The following WNT3A variants were observed in gnomAD, a reference collection of about 807,000 sequenced individuals.
WNT3A encodes the protein Wnt family member 3A.
Under a neutral mutation model 37.0 loss-of-function variants are expected in WNT3A, and 17 were observed. The observed-to-expected ratio is 0.46, with a 90% CI of 0.31 to 0.69. WNT3A has a LOEUF of 0.69. Among genes scored for constraint, WNT3A ranks in the 30% least tolerant of loss-of-function variants. WNT3A has a pLI of 0.05. For synonymous variants in WNT3A, 187 were observed against 211.0 expected, an observed-to-expected ratio of 0.89 and a Z score of 0.99; for missense variants, 411 against 510.2, an observed-to-expected ratio of 0.81 and a Z score of 1.87.
At chr1:228,043,413 C>T (rs1482410161) in intron 2 of WNT3A, among the ~76,000 whole-genome samples, 1 of 152,150 alleles carries the variant, frequency 6.6e-6, no homozygotes, top group Non-Finnish European at 1.5e-5. Context: ...TAGCCTGTGT[C>T]CCATTCCAGT....
Position 228,024,163 on chromosome 1 carries a change from G to A in WNT3A, c.313+1255G>A, listed in dbSNP as rs115945593. Reference sequence around the variant, plus strand: ...CCTTTTGGTTTCTGTATCTAGGAGTGGAATTGCTGGGTCACAGGGTAATTC... The same window carrying A: ...CCTTTTGGTTTCTGTATCTAGGAGTAGAATTGCTGGGTCACAGGGTAATTC... On this transcript the variant is annotated intron_variant, in intron 2 of 3. Transcript: ENST00000284523. 2.9e-3 allele frequency among the ~76,000 whole-genome samples: 436 copies of A among 152,338 alleles called. 6 individuals are homozygous for A. The highest frequency in any genetic ancestry group is 0.01 in the African/African-American group (427 of 41,576).
In WNT3A at chr1:228,046,218, C is replaced by T. The variant is rs551180928; in HGVS notation, c.314-4438C>T. On this transcript the variant is annotated intron_variant, in intron 2 of 3. Coordinates refer to ENST00000284523, the MANE Select transcript of WNT3A (RefSeq NM_033131.4). ...CTGGCATGGCCAAACTGGCATTGGG[C>T]GAAGACCTCAGCCTGCAGATAGTGT... 1.1e-4 allele frequency among the ~76,000 whole-genome samples: 16 copies of T among 152,344 alleles called. 1 individual carries two copies. In the South Asian group the frequency reaches 2.3e-3, roughly 22 times the overall value.
At chr1:228,046,312 GGT>G (rs10578421) in intron 2 of WNT3A, among the ~76,000 whole-genome samples, 14,163 of 151,222 alleles carry the variant, frequency 0.094, 692 homozygotes, top group South Asian at 0.11. Flanking sequence ...CATGTGGAGG[GGT>G]GTGTGTGTGT....
At chr1:228,041,835 TCTC>T (rs1020529980) in intron 2 of WNT3A, among the ~76,000 whole-genome samples, 66 of 152,202 alleles carry the variant, frequency 4.3e-4, no homozygotes, top group Admixed American at 6.5e-4. Flanking sequence ...CCTGGTTCAT[TCTC>T]CTTACCAAGG....
intron 2 of WNT3A, among the ~76,000 whole-genome samples, chr1:228,030,181 G>A (rs1281047738): frequency 1.3e-5 from 2 of 151,942 alleles, no homozygotes; most frequent in African/African-American, 4.8e-5. Flanking sequence ...GATCACTTGA[G>A]GTCAGGAGTT....
In WNT3A at chr1:228,008,277, C is replaced by A. The variant is rs2030263879; in HGVS notation, c.71+1078C>A. ...AGCCTCCCCACAAGCATGCACACTC[C>A]CCCCCATCCTTCTCCGACGGCAGCC... On this transcript the variant is annotated intron_variant, in intron 1 of 3. Transcript: ENST00000284523. This position sits in a 1 kb window ranked among gnomAD's most constrained non-coding sequence, Gnocchi z 4.9. Among the ~76,000 whole-genome samples, 1 of 152,192 alleles carries A rather than the reference C, an allele frequency of 6.6e-6. No homozygotes were observed. The highest frequency in any genetic ancestry group is 1.5e-5 in the Non-Finnish European group (1 of 68,022).
Position 228,007,220 on chromosome 1 carries a change from T to C in WNT3A, c.71+21T>C. ...TGGTGGTGAGTGAGCCTCCTCGCGT[T>C]CGCCCCTGCCCCTGTGCGCCGCGCC... On this transcript the variant is annotated intron_variant, in intron 1 of 3. Transcript: ENST00000284523. This position sits in a 1 kb window ranked among gnomAD's most constrained non-coding sequence, Gnocchi z 6.0. The C allele has an allele frequency of 6.3e-7, 1 of 1,594,960 alleles. No individual in the cohort carries two copies. The highest frequency in any genetic ancestry group is 8.5e-7 in the Non-Finnish European group (1 of 1,171,356).
rs539296837 is a variant in WNT3A at position 228,007,625 on chromosome 1, A to AAC, written c.71+437_71+438dup. ...CCTCAAAAACCGTATCTTACACACA[A>AAC]ACACACACACACGTTTTAAAACAAA... On this transcript the variant is annotated intron_variant, in intron 1 of 3. Transcript: ENST00000284523. This position sits in a 1 kb window ranked among gnomAD's most constrained non-coding sequence, Gnocchi z 6.0. Among the ~76,000 whole-genome samples the AAC allele has an allele frequency of 1.3e-5, 2 of 152,038 alleles. No individual in the cohort carries two copies. The highest frequency in any genetic ancestry group is 2.9e-5 in the Non-Finnish European group (2 of 67,992).
rs116261063 is a variant in WNT3A at position 228,038,833 on chromosome 1, C to A, written c.314-11823C>A. ...CTCACTGGTGCATGGAAAGGGCTGG[C>A]AGATCAGGCAGGGGGAAGGCCTGTG... is the stretch of plus-strand genomic sequence containing the variant. On this transcript the variant is annotated intron_variant, in intron 2 of 3. Coordinates refer to ENST00000284523, the MANE Select transcript of WNT3A (RefSeq NM_033131.4). The surrounding 1 kb of genome is among the most constrained non-coding windows in gnomAD (Gnocchi z 5.7). 2.8e-4 allele frequency among the ~76,000 whole-genome samples: 43 copies of A among 152,276 alleles called. No homozygotes were observed. Among genetic ancestry groups the A allele is most frequent in the African/African-American group, 1.0e-3 (43 of 41,552 alleles).
At chr1:228,016,259 A>G (rs1382430453) in intron 1 of WNT3A, among the ~76,000 whole-genome samples, 1 of 152,152 alleles carries the variant, frequency 6.6e-6, no homozygotes, top group Non-Finnish European at 1.5e-5. Flanking sequence ...AGACTCAAGG[A>G]AGCCATAGAA....
intron 2 of WNT3A, among the ~76,000 whole-genome samples, chr1:228,046,963 G>A (rs1571811528): frequency 6.6e-6 from 1 of 152,136 alleles, no homozygotes; most frequent in African/African-American, 2.4e-5. Context: ...TGGAGGCTGG[G>A]GCCTCCTAGG....
intron 1 of WNT3A, among the ~76,000 whole-genome samples, chr1:228,019,763 G>A (rs1424098066): frequency 6.6e-6 from 1 of 152,232 alleles, no homozygotes; most frequent in East Asian, 1.9e-4. Context: ...GCTTACGTCA[G>A]TCTGCTCTGT....
chr1:228,014,383 T>G (rs1032414451), intron 1 of WNT3A, among the ~76,000 whole-genome samples: 42 of 152,218 alleles, frequency 2.8e-4, no homozygotes, highest in African/African-American at 9.4e-4. Context: ...GGAGCATTAC[T>G]GTGAGGTCCC....
Position 228,038,829 on chromosome 1 carries a change from CT to C in WNT3A, c.314-11826del, listed in dbSNP as rs1417031913. The stretch of plus-strand genomic sequence containing the variant: ...GCTCCTCACTGGTGCATGGAAAGGG[CT>C]GGCAGATCAGGCAGGGGGAAGGCCT... On this transcript the variant is annotated intron_variant, in intron 2 of 3. Coordinates refer to ENST00000284523, the MANE Select transcript of WNT3A (RefSeq NM_033131.4). This position sits in a 1 kb window ranked among gnomAD's most constrained non-coding sequence, Gnocchi z 5.7. 6.6e-6 allele frequency among the ~76,000 whole-genome samples: 1 copy of C among 152,182 alleles called. No individual in the cohort carries two copies. Among genetic ancestry groups the C allele is most frequent in the Non-Finnish European group, 1.5e-5 (1 of 68,028 alleles).
Position 228,059,097 on chromosome 1 carries a change from C to T in WNT3A, c.691C>T (p.Leu231Phe), listed in dbSNP as rs918805028. 3 of 1,613,662 alleles carry T rather than the reference C, an allele frequency of 1.9e-6. No individual in the cohort carries two copies. The highest frequency in any genetic ancestry group is 1.3e-5 in the African/African-American group (1 of 74,926). ...QPDFRAIGDF[L>F]KDKYDSASEM... The stretch of plus-strand genomic sequence containing the variant: ...CGACTTCCGCGCCATCGGTGACTTC[C>T]TCAAGGACAAGTACGACAGCGCCTC... The change falls in exon 4 of 4, where the codon CTC becomes TTC. Residue 231 changes from leucine to phenylalanine, a missense_variant. Leu to Phe is a conservative substitution (Grantham distance 22). Coordinates refer to ENST00000284523, the MANE Select transcript of WNT3A (RefSeq NM_033131.4).
chr1:228,051,318 G>C (rs1482277050), intron 3 of WNT3A, among the ~76,000 whole-genome samples: 1 of 152,110 alleles, frequency 6.6e-6, no homozygotes, highest in Admixed American at 6.5e-5. Context: ...AGGGAGGCTG[G>C]GAGAGCCTCC....
intron 2 of WNT3A, among the ~76,000 whole-genome samples, chr1:228,025,923 A>ATT (rs36103582): frequency 1.9e-4 from 25 of 132,902 alleles, no homozygotes; most frequent in South Asian, 1.2e-3. Flanking sequence ...AATTTTTTGT[A>ATT]TTTTTTTTTT....
rs559899618 is a variant in WNT3A, at chr1:228,057,583, T to A, written c.580-1403T>A. Among the ~76,000 whole-genome samples, 3 of 152,256 alleles carry A rather than the reference T, an allele frequency of 2.0e-5. No homozygotes were observed. In the South Asian group the frequency reaches 6.2e-4, roughly 32 times the overall value. On this transcript the variant is annotated intron_variant, in intron 3 of 3. Transcript: ENST00000284523. ...GGCGAGGGATATGTTACTCTACAGATGCCCATAGGAAACAGTCAATATCAG... is the reference window on the plus strand; with the variant it reads ...GGCGAGGGATATGTTACTCTACAGAAGCCCATAGGAAACAGTCAATATCAG...
Position 228,050,065 on chromosome 1 carries a change from C to T in WNT3A, c.314-591C>T, listed in dbSNP as rs537381308. Among the ~76,000 whole-genome samples, 18 of 151,892 alleles carry T rather than the reference C, an allele frequency of 1.2e-4. No individual in the cohort carries two copies. In the East Asian group the frequency reaches 2.9e-3, roughly 25 times the overall value. Reference sequence around the variant, plus strand: ...AAGGGCTGGGATTACAGATGTAAGCCACCTTGCCAGCTGTATGTTTTTTAA... The same window carrying T: ...AAGGGCTGGGATTACAGATGTAAGCTACCTTGCCAGCTGTATGTTTTTTAA... On this transcript the variant is annotated intron_variant, in intron 2 of 3. Transcript: ENST00000284523. This position sits in a 1 kb window ranked among gnomAD's most constrained non-coding sequence, Gnocchi z 5.0.
Sources: allele counts gnomAD v4.1 joint callset (sites outside exome capture counted in the v4.1 genomes callset), GRCh38; gene constraint gnomAD v4.1.1; non-coding constraint Gnocchi (gnomAD v3.1); transcripts MANE v1.5; gene names NCBI Gene and HGNC (gene_info 2026-07-23, HGNC 2026-07-21).